Variants in DLGAP1 observed in about 807,000 individuals in gnomAD.
DLGAP1 encodes disks large-associated protein 1.
DLGAP1 carries 11 observed loss-of-function variants against 90.8 expected under a neutral mutation model. The ratio of observed to expected loss-of-function variants is 0.12; its 90% CI spans 0.08 to 0.20. The LOEUF (loss-of-function observed/expected upper bound fraction) is 0.20, where lower values mean the gene tolerates loss of function less well. Ranked by LOEUF, DLGAP1 falls within the 10% of genes least tolerant of loss-of-function variation. The pLI, the probability that DLGAP1 is intolerant of heterozygous loss-of-function variation, is 1.00. For missense variants in DLGAP1, 1,050 were observed against 1,333.8 expected (o/e 0.79, Z 3.31); for synonymous variants, 558 against 540.7 (o/e 1.03, Z -0.44).
chr18:3,730,510 G>A (rs1273875256), intron 6 of DLGAP1, among the ~76,000 whole-genome samples: 1 of 151,972 alleles, frequency 6.6e-6, no homozygotes, highest in African/African-American at 2.4e-5. Flanking sequence ...TGACTTGCTA[G>A]AGATTTGGGA....
chr18:4,142,096 T>A (rs944240188), intron 2 of DLGAP1, among the ~76,000 whole-genome samples: 5 of 152,144 alleles, frequency 3.3e-5, no homozygotes, highest in East Asian at 1.9e-4. Context: ...AGTCCTTTTT[T>A]AAAATAATTC....
In DLGAP1 at chr18:4,184,519, A is replaced by G. The variant is rs553328282; in HGVS notation, c.-266-33232T>C. Reference sequence around the variant, plus strand: ...AACACTGGGTCATTATTTTAAATCTATTCAATAAATCGGTATCGTACATAA... The same window carrying G: ...AACACTGGGTCATTATTTTAAATCTGTTCAATAAATCGGTATCGTACATAA... On this transcript the variant is annotated intron_variant, in intron 1 of 12. Transcript: ENST00000315677. Among the ~76,000 whole-genome samples the G allele has an allele frequency of 1.9e-4, 29 of 152,184 alleles. No individual in the cohort carries two copies. In the South Asian group the frequency reaches 5.8e-3, roughly 30 times the overall value.
chr18:4,312,519 G>A (rs913130313), intron 1 of DLGAP1, among the ~76,000 whole-genome samples: 1 of 152,174 alleles, frequency 6.6e-6, no homozygotes, highest in Non-Finnish European at 1.5e-5. Context: ...TTGACTTTAA[G>A]TTTGTCAGGG....
intron 1 of DLGAP1, among the ~76,000 whole-genome samples, chr18:4,299,049 C>A (rs1201467627): frequency 7.2e-6 from 1 of 138,494 alleles, no homozygotes; most frequent in Non-Finnish European, 1.5e-5. Context: ...CCACTGCAGT[C>A]TAGCCTGGGC....
chr18:4,089,432 G>A (rs962896994), intron 2 of DLGAP1, among the ~76,000 whole-genome samples: 4 of 151,796 alleles, frequency 2.6e-5, no homozygotes, highest in African/African-American at 9.7e-5. Flanking sequence ...GACATTCTTC[G>A]TAGAATTACA....
intron 5 of DLGAP1, among the ~76,000 whole-genome samples, chr18:3,804,757 G>A (rs773776878): frequency 7.2e-5 from 11 of 152,230 alleles, no homozygotes; most frequent in Non-Finnish European, 1.5e-4. Flanking sequence ...GTAATGATGC[G>A]TTAGCATTTG....
chr18:4,294,622 CAT>C (rs1297551414), intron 1 of DLGAP1: 3 of 152,280 alleles, frequency 2.0e-5, no homozygotes, highest in Non-Finnish European at 4.4e-5. Context: ...CAAGTGGGCA[CAT>C]GTTACAGTGT....
chr18:4,235,507 C>T (rs549694066), intron 1 of DLGAP1, among the ~76,000 whole-genome samples: 16 of 151,894 alleles, frequency 1.1e-4, no homozygotes, highest in Middle Eastern at 3.4e-3. Flanking sequence ...TTTGTTTGAA[C>T]CTGCTGTTTT....
At chr18:3,573,544 C>T (rs977131367) in intron 8 of DLGAP1, among the ~76,000 whole-genome samples, 1 of 151,956 alleles carries the variant, frequency 6.6e-6, no homozygotes, top group African/African-American at 2.4e-5. Context: ...ATATTACATG[C>T]TTTAAATAAC....
chr18:3,967,330 A>C (rs1205641256), intron 3 of DLGAP1, among the ~76,000 whole-genome samples: 1 of 152,374 alleles, frequency 6.6e-6, no homozygotes, highest in African/African-American at 2.4e-5. Flanking sequence ...ATGAGCTCAC[A>C]GTGACTTTAA....
At chr18:3,592,345 A>G (rs1468652743) in intron 7 of DLGAP1, among the ~76,000 whole-genome samples, 1 of 152,228 alleles carries the variant, frequency 6.6e-6, no homozygotes, top group African/African-American at 2.4e-5. Flanking sequence ...GTGATGTGTT[A>G]TGCTGGCCGG....
chr18:3,715,402 C>T (rs1399224327), intron 7 of DLGAP1, among the ~76,000 whole-genome samples: 3 of 152,196 alleles, frequency 2.0e-5, no homozygotes, highest in East Asian at 1.9e-4. Flanking sequence ...AGAGCTTGCA[C>T]AGTGCTGCAC....
chr18:3,741,008 C>G (rs866126026), intron 6 of DLGAP1, among the ~76,000 whole-genome samples: 1 of 101,478 alleles, frequency 9.9e-6, no homozygotes, highest in Non-Finnish European at 2.0e-5. Context: ...CTCACCACCA[C>G]CACCACCATC....
At chr18:3,640,450 C>T (rs1010526342) in intron 7 of DLGAP1, among the ~76,000 whole-genome samples, 15 of 152,246 alleles carry the variant, frequency 9.9e-5, no homozygotes, top group African/African-American at 2.4e-4. Flanking sequence ...AGACAGCGGG[C>T]GCTCTCAGCT....
intron 1 of DLGAP1, among the ~76,000 whole-genome samples, chr18:4,152,751 CA>C (rs1389110423): frequency 6.6e-6 from 1 of 152,070 alleles, no homozygotes; most frequent in African/African-American, 2.4e-5. Context: ...ACATAGAAGA[CA>C]AAAATGAGAC....
chr18:4,337,473 G>C (rs567546799), intron 1 of DLGAP1, among the ~76,000 whole-genome samples: 1 of 152,200 alleles, frequency 6.6e-6, no homozygotes, highest in African/African-American at 2.4e-5. Context: ...TTACAGGTGT[G>C]AGCCACTGTG....
intron 1 of DLGAP1, among the ~76,000 whole-genome samples, chr18:4,177,966 C>G (rs577664839): frequency 1.1e-4 from 17 of 152,028 alleles, no homozygotes; most frequent in Admixed American, 7.9e-4. Flanking sequence ...AATTATTTTA[C>G]CTTTAACTTT....
At chr18:3,542,717 T>G (rs2052762581) in intron 9 of DLGAP1, among the ~76,000 whole-genome samples, 1 of 152,246 alleles carries the variant, frequency 6.6e-6, no homozygotes, top group Non-Finnish European at 1.5e-5. Flanking sequence ...GCAAAGTTTC[T>G]GCCTCCCCTT....
chr18:3,855,307 G>T (rs950710766), intron 4 of DLGAP1, among the ~76,000 whole-genome samples: 1 of 152,090 alleles, frequency 6.6e-6, no homozygotes, highest in Admixed American at 6.5e-5. Flanking sequence ...GGAAGGTGAA[G>T]ATCAAAAAGC....
Sources: gnomAD v4.1 joint callset for allele counts (sites outside exome capture counted in the v4.1 genomes callset) on GRCh38, gnomAD v4.1.1 for gene constraint, MANE v1.5 for transcripts, NCBI Gene and HGNC (gene_info 2026-07-23, HGNC 2026-07-21) for gene names.